Variants in DOCK11 observed in about 807,000 individuals in gnomAD.
DOCK11 encodes dedicator of cytokinesis 11, also known as dedicator of cytokinesis protein 11.
DOCK11 carries 70 observed loss-of-function variants against 169.1 expected under a neutral mutation model. The observed-to-expected ratio is 0.41, with a 90% CI of 0.34 to 0.51. The LOEUF (loss-of-function observed/expected upper bound fraction) is 0.51. Among genes scored for constraint, DOCK11 ranks in the 20% least tolerant of loss-of-function variants. The pLI is 0.10. For synonymous variants in DOCK11, 529 were observed against 541.3 expected (o/e 0.98, Z 0.32); for missense variants, 1,166 against 1,538.8 (o/e 0.76, Z 4.05).
chrX:118,610,712 G>C (rs1315141782), intron 28 of DOCK11, among the ~76,000 whole-genome samples: 1 of 111,528 alleles, frequency 9.0e-6, no homozygotes, highest in Admixed American at 9.5e-5. Flanking sequence ...GAAGACATTG[G>C]CATTGGCTTG....
chrX:118,674,678 A>G (rs1030280561), intron 46 of DOCK11, among the ~76,000 whole-genome samples: 1 of 112,150 alleles, frequency 8.9e-6, no homozygotes, highest in Non-Finnish European at 1.9e-5. Context: ...TCTTGAATAT[A>G]TACTAGGGAG....
chrX:118,531,805 C>T (rs893590607), intron 1 of DOCK11, among the ~76,000 whole-genome samples: 34 of 97,921 alleles, frequency 3.5e-4, no homozygotes, highest in Non-Finnish European at 6.7e-4. Context: ...GTGATCCGCC[C>T]GCATCAGCCT....
chrX:118,580,328 GT>G (rs1489391245), intron 14 of DOCK11, 149 bp downstream of exon 14: 4 of 467,653 alleles, frequency 8.6e-6, no homozygotes, highest in East Asian at 8.4e-5. Flanking sequence ...TTTTGTTGTT[GT>G]TTTTGAGACG....
Sources: allele counts gnomAD v4.1 joint callset (sites outside exome capture counted in the v4.1 genomes callset), GRCh38; gene constraint gnomAD v4.1.1; transcripts MANE v1.5; gene names NCBI Gene and HGNC (gene_info 2026-07-23, HGNC 2026-07-21).